The following HCRTR2 variants were observed in gnomAD, a reference collection of about 807,000 sequenced individuals.
HCRTR2 encodes orexin receptor type 2.
In HCRTR2, 22 loss-of-function variants were observed where a neutral mutation model predicts 49.0. The observed-to-expected ratio is 0.45, with a 90% CI of 0.32 to 0.64. The LOEUF is 0.64. Ranked by LOEUF, HCRTR2 falls within the 30% of genes least tolerant of loss-of-function variation. The pLI, the probability that HCRTR2 is intolerant of heterozygous loss-of-function variation, is 0.04. For synonymous variants in HCRTR2, 236 were observed against 205.3 expected (o/e 1.15, Z -1.28); for missense variants, 491 against 559.4 (o/e 0.88, Z 1.23).
chr6:55,114,910 G>T (rs960152259), intron 1 of HCRTR2, among the ~76,000 whole-genome samples: 7 of 151,670 alleles, frequency 4.6e-5, no homozygotes, highest in African/African-American at 9.7e-5. Context: ...GGGTGAGTGG[G>T]TGTGGAGAAG....
intron 1 of HCRTR2, among the ~76,000 whole-genome samples, chr6:55,111,108 C>T (rs1297570363): frequency 6.6e-6 from 1 of 151,852 alleles, no homozygotes; most frequent in Non-Finnish European, 1.5e-5. Flanking sequence ...AATTAAATAA[C>T]GTGCTCCTGA....
intron 3 of HCRTR2, among the ~76,000 whole-genome samples, chr6:55,261,419 T>C (rs1268354342): frequency 6.6e-6 from 1 of 152,112 alleles, no homozygotes; most frequent in Non-Finnish European, 1.5e-5. Flanking sequence ...TTTTATTTTA[T>C]TTTTTGATGG....
At chr6:55,180,150 C>G (rs1765106333) in intron 1 of HCRTR2, among the ~76,000 whole-genome samples, 1 of 152,126 alleles carries the variant, frequency 6.6e-6, no homozygotes, top group Non-Finnish European at 1.5e-5. Flanking sequence ...TGCCTTACAA[C>G]AAACTTATAA....
intron 1 of HCRTR2, among the ~76,000 whole-genome samples, chr6:55,178,093 A>G (rs769263355): frequency 6.6e-6 from 1 of 152,088 alleles, no homozygotes; most frequent in Non-Finnish European, 1.5e-5. Context: ...CATTTTTTTA[A>G]ATTAGTGTGT....
At chr6:55,197,706 C>G (rs1386030764) in intron 1 of HCRTR2, among the ~76,000 whole-genome samples, 1 of 152,158 alleles carries the variant, frequency 6.6e-6, no homozygotes, top group Admixed American at 6.5e-5. Context: ...ACTGCAAGCT[C>G]TGCCTCTCAG....
chr6:55,242,636 G>T (rs1766358288), intron 1 of HCRTR2, among the ~76,000 whole-genome samples: 1 of 152,128 alleles, frequency 6.6e-6, no homozygotes, highest in East Asian at 1.9e-4. Context: ...TCAATTATTA[G>T]TTGGCATTTC....
intron 4 of HCRTR2, among the ~76,000 whole-genome samples, chr6:55,268,298 T>C (rs900086957): frequency 2.6e-5 from 4 of 152,054 alleles, no homozygotes; most frequent in Non-Finnish European, 5.9e-5. Context: ...AGACAAGAGA[T>C]ACAATATATA....
chr6:55,207,433 C>G (rs1765620552), intron 1 of HCRTR2, among the ~76,000 whole-genome samples: 1 of 152,074 alleles, frequency 6.6e-6, no homozygotes, highest in Non-Finnish European at 1.5e-5. Context: ...TTTCAATGGT[C>G]TCCATATCAA....
At chr6:55,214,685 A>G (rs1207943031) in intron 1 of HCRTR2, among the ~76,000 whole-genome samples, 7 of 152,008 alleles carry the variant, frequency 4.6e-5, no homozygotes, top group African/African-American at 1.7e-4. Flanking sequence ...TCAAAATAGC[A>G]ATTATAAAGA....
At chr6:55,205,038 A>G (rs1444834516) in intron 1 of HCRTR2, among the ~76,000 whole-genome samples, 1 of 152,142 alleles carries the variant, frequency 6.6e-6, no homozygotes, top group Admixed American at 6.6e-5. Flanking sequence ...TCAGACTCCC[A>G]AAGTTCTGGG....
chr6:55,189,520 C>T (rs1562000773), intron 1 of HCRTR2, among the ~76,000 whole-genome samples: 2 of 152,152 alleles, frequency 1.3e-5, no homozygotes, highest in Admixed American at 1.3e-4. Context: ...AGTGGCTCTC[C>T]TCAGCAAACT....
chr6:55,182,290 G>T (rs1343009826), intron 1 of HCRTR2, among the ~76,000 whole-genome samples: 2 of 152,268 alleles, frequency 1.3e-5, no homozygotes, highest in East Asian at 3.9e-4. Context: ...TGCATATTAT[G>T]CCAGAATTGG....
chr6:55,278,354 A>G (rs534462083), intron 5 of HCRTR2, among the ~76,000 whole-genome samples: 4 of 152,292 alleles, frequency 2.6e-5, no homozygotes, highest in African/African-American at 9.6e-5. Context: ...GGCAATACCA[A>G]TTCTTGTTTA....
intron 1 of HCRTR2, among the ~76,000 whole-genome samples, chr6:55,190,591 A>G (rs547668687): frequency 6.6e-6 from 1 of 152,328 alleles, no homozygotes; most frequent in African/African-American, 2.4e-5. Context: ...GTACCTTTTT[A>G]TACATTCCCC....
chr6:55,181,230 G>A (rs1765128946), intron 1 of HCRTR2, among the ~76,000 whole-genome samples: 1 of 152,116 alleles, frequency 6.6e-6, no homozygotes, highest in African/African-American at 2.4e-5. Flanking sequence ...CTTTGAAAGA[G>A]TTTGAGATGC....
intron 1 of HCRTR2, among the ~76,000 whole-genome samples, chr6:55,206,973 A>G (rs1482350145): frequency 1.3e-5 from 2 of 152,080 alleles, no homozygotes. Context: ...CTTTACAATT[A>G]ATTAACGTAA....
intron 1 of HCRTR2, among the ~76,000 whole-genome samples, chr6:55,125,096 C>T (rs1037538909): frequency 7.2e-5 from 11 of 152,124 alleles, no homozygotes; most frequent in Admixed American, 3.3e-4. Context: ...TTAATTGGAA[C>T]ATTTAGCCAA....
intron 1 of HCRTR2, among the ~76,000 whole-genome samples, chr6:55,245,371 G>GTATATATATATATATATATGTATA (rs71767441): frequency 3.6e-4 from 49 of 137,332 alleles, no homozygotes; most frequent in African/African-American, 1.1e-3. Flanking sequence ...ATGTGTGTGT[G>GTATATATATATATATATATGTATA]TATATATATA....
At chr6:55,109,730 A>T (rs904978716) in intron 1 of HCRTR2, among the ~76,000 whole-genome samples, 1 of 152,186 alleles carries the variant, frequency 6.6e-6, no homozygotes, top group African/African-American at 2.4e-5. Context: ...TATGTTAAGC[A>T]GCCAAACCTA....
Sources: allele counts gnomAD v4.1 joint callset (sites outside exome capture counted in the v4.1 genomes callset), GRCh38; gene constraint gnomAD v4.1.1; transcripts MANE v1.5; gene names NCBI Gene and HGNC (gene_info 2026-07-23, HGNC 2026-07-21).